SLC38A11: variants seen among roughly 807,000 people sequenced by gnomAD.
SLC38A11 encodes solute carrier family 38 member 11.
A neutral mutation model predicts 49.4 loss-of-function variants in SLC38A11; 51 were observed. The observed-to-expected ratio is 1.03, with a 90% confidence interval of 0.83 to 1.30. The LOEUF is 1.30. Ranked by LOEUF, SLC38A11 falls within the 50% of genes most tolerant of loss-of-function variation. The pLI, the probability that SLC38A11 is intolerant of heterozygous loss-of-function variation, is 0.00. For synonymous variants in SLC38A11, 203 were observed against 192.9 expected, an observed-to-expected ratio of 1.05 and a Z score of -0.43; for missense variants, 574 against 556.2, an observed-to-expected ratio of 1.03 and a Z score of -0.32.
intron 7 of SLC38A11, 109 bp from the exon 8 acceptor site, chr2:164,916,082 G>A (rs895970715): frequency 1.5e-6 from 1 of 678,192 alleles, no homozygotes; most frequent in African/African-American, 1.8e-5. Context: ...CTTTAAGCCA[G>A]AAATTAATAA....
intron 8 of SLC38A11, 53 bp downstream of exon 8, chr2:164,915,850 C>T: frequency 7.3e-7 from 1 of 1,372,798 alleles, no homozygotes; most frequent in Non-Finnish European, 1.0e-6. Context: ...AGCACTTTTT[C>T]ATGGAACAGA....
At chr2:164,937,566 C>A (rs1439895847) in intron 6 of SLC38A11, 137 bp from the exon 7 acceptor site, 8 of 590,194 alleles carry the variant, frequency 1.4e-5, no homozygotes, top group Admixed American at 1.1e-4. Context: ...GTTATTCTTG[C>A]AGCTTGGTGT....
chr2:164,939,590 G>A (rs1431111626), intron 5 of SLC38A11, 34 bp from the exon 6 acceptor site: 5 of 1,414,752 alleles, frequency 3.5e-6, no homozygotes, highest in Non-Finnish European at 4.0e-6. Flanking sequence ...AATGTTACAG[G>A]TATAAGTAAC....
At position 164,945,701 on chromosome 2, in the gene SLC38A11, C is replaced by T. The variant is rs1688059492; in HGVS notation, c.256G>A (p.Gly86Arg). ...GTATCTGTTCCAGAGAGGGCCCCTC[C>T]TTTTATCAATAAAACAAGGGAAAAG... ...TDFSLVLLIK[G>R]GALSGTDTYQ... The change falls in exon 4 of 12, where the codon GGA becomes AGA. Residue 86 changes from glycine to arginine, a missense_variant. Gly to Arg is a moderately radical substitution (Grantham distance 125). Transcript: ENST00000685975. 3 of 1,605,684 alleles carry T rather than the reference C, an allele frequency of 1.9e-6. No homozygotes were observed. The highest frequency in any genetic ancestry group is 2.3e-5 in the South Asian group (2 of 88,670).
intron 2 of SLC38A11, among the ~76,000 whole-genome samples, chr2:164,953,480 GCTTAA>G (rs1359197078): frequency 1.3e-5 from 2 of 152,124 alleles, no homozygotes; most frequent in African/African-American, 2.4e-5. Flanking sequence ...TGCTGACACG[GCTTAA>G]CTTAACACGT....
intron 11 of SLC38A11, 146 bp downstream of exon 11, chr2:164,908,494 T>C (rs558801616): frequency 2.4e-5 from 17 of 701,872 alleles, no homozygotes; most frequent in African/African-American, 1.5e-4. Flanking sequence ...AGAATCATCA[T>C]TGAAAATATT....
intron 7 of SLC38A11, among the ~76,000 whole-genome samples, chr2:164,924,107 C>A (rs1377208617): frequency 6.6e-6 from 1 of 152,150 alleles, no homozygotes; most frequent in African/African-American, 2.4e-5. Context: ...AAATATGGTA[C>A]ATATACACCA....
chr2:164,942,730 G>A (rs575553515), intron 5 of SLC38A11, among the ~76,000 whole-genome samples: 1 of 152,242 alleles, frequency 6.6e-6, no homozygotes, highest in Non-Finnish European at 1.5e-5. Context: ...GGAGTTTGGG[G>A]GCTGGCACAG....
At chr2:164,920,013 C>T (rs1352714363) in intron 7 of SLC38A11, among the ~76,000 whole-genome samples, 2 of 152,148 alleles carry the variant, frequency 1.3e-5, no homozygotes, top group East Asian at 1.9e-4. Flanking sequence ...GTGGTGCTCA[C>T]GTCCGTAATC....
At chr2:164,915,687 A>G (rs1199736379) in intron 8 of SLC38A11, 2 of 497,860 alleles carry the variant, frequency 4.0e-6, no homozygotes, top group Non-Finnish European at 3.6e-6. Flanking sequence ...GAGTTTCTGC[A>G]TGAGAAATAG....
chr2:164,929,608 G>A (rs987125426), intron 7 of SLC38A11, among the ~76,000 whole-genome samples: 1 of 152,116 alleles, frequency 6.6e-6, no homozygotes, highest in African/African-American at 2.4e-5. Flanking sequence ...CAGACAGATG[G>A]TAAAAGAGAG....
chr2:164,923,344 C>G (rs1686342460), intron 7 of SLC38A11, among the ~76,000 whole-genome samples: 1 of 152,082 alleles, frequency 6.6e-6, no homozygotes, highest in Non-Finnish European at 1.5e-5. Flanking sequence ...GTTCCAATAT[C>G]CAGAATCTGT....
chr2:164,942,537 G>T, intron 5 of SLC38A11, among the ~76,000 whole-genome samples: 1 of 151,818 alleles, frequency 6.6e-6, no homozygotes, highest in East Asian at 1.9e-4. Context: ...AAAATCCCAT[G>T]AATCTCATGA....
At chr2:164,935,305 G>C (rs1333391396) in intron 7 of SLC38A11, among the ~76,000 whole-genome samples, 1 of 151,712 alleles carries the variant, frequency 6.6e-6, no homozygotes, top group East Asian at 1.9e-4. Context: ...GGAAACAATA[G>C]AAACTCATTA....
chr2:164,915,871 T>G, intron 8 of SLC38A11, 32 bp downstream of exon 8: 1 of 1,541,568 alleles, frequency 6.5e-7, no homozygotes, highest in Admixed American at 1.7e-5. Flanking sequence ...GAACTCCACA[T>G]TGAGAAAGGG....
chr2:164,925,492 T>TTG (rs34877508), intron 7 of SLC38A11, among the ~76,000 whole-genome samples: 11,828 of 152,212 alleles, frequency 0.078, 488 homozygotes, highest in Admixed American at 0.11. Flanking sequence ...CTGTACAGTT[T>TTG]TCCACATCAC....
At chr2:164,899,047 G>A (rs746876497) in intron 11 of SLC38A11, among the ~76,000 whole-genome samples, 21 of 152,046 alleles carry the variant, frequency 1.4e-4, no homozygotes, top group African/African-American at 3.6e-4. Flanking sequence ...GAAATTTCCT[G>A]TATTTTCAGT....
intron 10 of SLC38A11, among the ~76,000 whole-genome samples, chr2:164,911,377 A>G (rs936844173): frequency 3.3e-5 from 5 of 152,142 alleles, no homozygotes. Context: ...TTGTATAAAT[A>G]TTTGTGCTCA....
intron 8 of SLC38A11, chr2:164,915,587 C>T (rs1324957319): frequency 7.2e-6 from 3 of 419,304 alleles, no homozygotes; most frequent in African/African-American, 2.0e-5. Flanking sequence ...CATCCTGTGG[C>T]TTCCTTTGCC....
Sources: gnomAD v4.1 joint callset for allele counts (sites outside exome capture counted in the v4.1 genomes callset) on GRCh38, gnomAD v4.1.1 for gene constraint, MANE v1.5 for transcripts, NCBI Gene and HGNC (gene_info 2026-07-23, HGNC 2026-07-21) for gene names.